Variants in UBE2U observed in about 807,000 individuals in gnomAD.
UBE2U encodes ubiquitin-conjugating enzyme E2 U.
UBE2U carries 39 observed loss-of-function variants against 41.2 expected under a neutral mutation model. The ratio of observed to expected loss-of-function variants is 0.95; its 90% CI spans 0.73 to 1.24. The LOEUF (loss-of-function observed/expected upper bound fraction) is 1.24, where lower values mean the gene tolerates loss of function less well. Among genes scored for constraint, UBE2U ranks in the 50% most tolerant of loss-of-function variants. UBE2U has a pLI of 0.00. For missense variants in UBE2U, 336 were observed against 363.1 expected (o/e 0.93, Z 0.61); for synonymous variants, 107 against 117.8 (o/e 0.91, Z 0.60).
chr1:64,264,703 AAC>A (rs777946163), intron 9 of UBE2U, among the ~76,000 whole-genome samples: 2 of 152,206 alleles, frequency 1.3e-5, no homozygotes, highest in Non-Finnish European at 2.9e-5. Context: ...CTGTAATCCC[AAC>A]ACTTTGGGAG....
chr1:64,220,295 G>A (rs1454360782), intron 5 of UBE2U, among the ~76,000 whole-genome samples: 1 of 152,034 alleles, frequency 6.6e-6, no homozygotes, highest in African/African-American at 2.4e-5. Flanking sequence ...AGAGAGCACT[G>A]CTAATACTCT....
chr1:64,234,348 T>A (rs1194634250), intron 7 of UBE2U, among the ~76,000 whole-genome samples: 1 of 152,168 alleles, frequency 6.6e-6, no homozygotes, highest in Non-Finnish European at 1.5e-5. Flanking sequence ...TCTCTTTATC[T>A]CTCTCATTAA....
Position 64,239,157 on chromosome 1 carries a change from AAAGAAGAAGAAGAAGAAGAAG to A in UBE2U, c.596-2480_596-2460del, listed in dbSNP as rs149062313. On this transcript the variant is annotated intron_variant, in intron 7 of 9. Transcript: ENST00000371077. ...GAAGAAGAAGAAGAAGAAGAAGAAG[AAAGAAGAAGAAGAAGAAGAAG>A]AAGAAGAAGAAGAAAGCCCCAGACA... is the stretch of plus-strand genomic sequence containing the variant. Among the ~76,000 whole-genome samples, 26 of 37,066 alleles carry A rather than the reference AAAGAAGAAGAAGAAGAAGAAG, an allele frequency of 7.0e-4. 1 individual carries two copies. Among genetic ancestry groups the A allele is most frequent in the Middle Eastern group, 0.015 (1 of 66 alleles). 24.3% of individuals were successfully genotyped at this position (37,066 alleles called of 152,430 possible).
At chr1:64,261,843 T>C (rs72667274) in intron 9 of UBE2U, among the ~76,000 whole-genome samples, 1 of 152,358 alleles carries the variant, frequency 6.6e-6, no homozygotes, top group Non-Finnish European at 1.5e-5. Context: ...TTTTTGTCTA[T>C]GCTTTGTCAG....
At chr1:64,205,094 G>GT (rs1366827360) in intron 1 of UBE2U, among the ~76,000 whole-genome samples, 2 of 152,246 alleles carry the variant, frequency 1.3e-5, no homozygotes, top group East Asian at 3.9e-4. Flanking sequence ...TTATGTGTTT[G>GT]TAAGTGTGTT....
intron 7 of UBE2U, among the ~76,000 whole-genome samples, chr1:64,236,000 G>A (rs753779041): frequency 2.0e-4 from 31 of 152,078 alleles, no homozygotes; most frequent in Non-Finnish European, 4.1e-4. Context: ...ACATGTGAGG[G>A]AGAATATCAT....
At chr1:64,232,177 C>T (rs747927381) in intron 6 of UBE2U, among the ~76,000 whole-genome samples, 1 of 152,134 alleles carries the variant, frequency 6.6e-6, no homozygotes, top group African/African-American at 2.4e-5. Context: ...TAGAATTTGG[C>T]ATTGAAGTTC....
chr1:64,214,790 A>G, intron 4 of UBE2U, 25 bp from the exon 5 acceptor site: 6 of 1,593,236 alleles, frequency 3.8e-6, no homozygotes, highest in Non-Finnish European at 5.2e-6. Context: ...TTCTGAAATT[A>G]TATGTTGTCT....
At chr1:64,252,579 C>T (rs142498641) in intron 8 of UBE2U, among the ~76,000 whole-genome samples, 393 of 152,244 alleles carry the variant, frequency 2.6e-3, no homozygotes, top group Non-Finnish European at 4.3e-3. Flanking sequence ...TTTTGCAGCC[C>T]GCACTGGTGA....
intron 8 of UBE2U, among the ~76,000 whole-genome samples, chr1:64,242,910 C>A (rs1351890115): frequency 2.6e-5 from 4 of 152,044 alleles, no homozygotes; most frequent in Non-Finnish European, 2.9e-5. Context: ...GACGTGACTT[C>A]CTTTTTTATT....
intron 9 of UBE2U, 46 bp downstream of exon 9, chr1:64,260,740 T>C (rs1204535488): frequency 1.4e-6 from 2 of 1,393,658 alleles, no homozygotes; most frequent in African/African-American, 1.4e-5. Flanking sequence ...AATAACATAT[T>C]ATGCATAATA....
chr1:64,207,459 A>G lies in UBE2U; in HGVS notation c.241+603A>G, dbSNP rs112677670. 9.1e-4 allele frequency among the ~76,000 whole-genome samples: 139 copies of G among 152,310 alleles called. 2 individuals carry two copies. The highest frequency in any genetic ancestry group is 3.4e-3 in the Middle Eastern group (1 of 294). ...GCGCCTGGCCTAGGTTTTTAATTTT[A>G]AAACTATATGTCTTTTTTCTGCATT... On this transcript the variant is annotated intron_variant, in intron 3 of 9. Coordinates refer to ENST00000371077, the MANE Select transcript of UBE2U (RefSeq NM_001366232.2).
At chr1:64,245,163 ATTTGG>A (rs1307531432) in intron 8 of UBE2U, among the ~76,000 whole-genome samples, 1 of 152,170 alleles carries the variant, frequency 6.6e-6, no homozygotes, top group Non-Finnish European at 1.5e-5. Context: ...TTAATCAATT[ATTTGG>A]TTTGGTGTTC....
chr1:64,262,672 G>A (rs1256875048), intron 9 of UBE2U, among the ~76,000 whole-genome samples: 1 of 152,200 alleles, frequency 6.6e-6, no homozygotes, highest in African/African-American at 2.4e-5. Flanking sequence ...ATAGCAAGAT[G>A]GAGTCATATG....
chr1:64,251,941 G>C (rs544079201), intron 8 of UBE2U, among the ~76,000 whole-genome samples: 1 of 152,150 alleles, frequency 6.6e-6, no homozygotes, highest in African/African-American at 2.4e-5. Context: ...GTTGGGGCCC[G>C]CTAGCTTGGA....
At chr1:64,228,216 T>C (rs922006990) in intron 6 of UBE2U, among the ~76,000 whole-genome samples, 1 of 152,062 alleles carries the variant, frequency 6.6e-6, no homozygotes, top group African/African-American at 2.4e-5. Flanking sequence ...TAGGTCAAAT[T>C]CGTGTTCCTG....
At chr1:64,242,687 T>C (rs1025329041) in intron 8 of UBE2U, among the ~76,000 whole-genome samples, 1 of 152,206 alleles carries the variant, frequency 6.6e-6, no homozygotes, top group African/African-American at 2.4e-5. Context: ...CTTTCTTCTG[T>C]TGATTCTGTA....
chr1:64,229,981 G>A (rs1213188707), intron 6 of UBE2U, among the ~76,000 whole-genome samples: 1 of 152,104 alleles, frequency 6.6e-6, no homozygotes, highest in Non-Finnish European at 1.5e-5. Flanking sequence ...AATTAAACTC[G>A]TATTTTACTT....
chr1:64,243,548 T>C (rs1333562604), intron 8 of UBE2U, among the ~76,000 whole-genome samples: 1 of 152,200 alleles, frequency 6.6e-6, no homozygotes, highest in Non-Finnish European at 1.5e-5. Flanking sequence ...TTTTTAATAT[T>C]CGAAAATGCT....
Sources: allele counts gnomAD v4.1 joint callset (sites outside exome capture counted in the v4.1 genomes callset), GRCh38; gene constraint gnomAD v4.1.1; transcripts MANE v1.5; gene names NCBI Gene and HGNC (gene_info 2026-07-23, HGNC 2026-07-21).